Variants in SHLD2 observed in about 807,000 individuals in gnomAD.
The protein encoded by SHLD2 is RINN1-REV7-interacting novel NHEJ regulator 2.
Under a neutral mutation model 73.2 loss-of-function variants are expected in SHLD2, and 30 were observed. The observed-to-expected ratio is 0.41, with a 90% CI of 0.31 to 0.56. The LOEUF is 0.56. Among genes scored for constraint, SHLD2 ranks in the 20% least tolerant of loss-of-function variants. The pLI is 0.28. For missense variants in SHLD2, 745 were observed against 1,055.9 expected (o/e 0.71, Z 4.08); for synonymous variants, 285 against 370.1 (o/e 0.77, Z 2.64).
intron 8 of SHLD2, among the ~76,000 whole-genome samples, chr10:87,184,197 C>G (rs1848476894): frequency 6.6e-6 from 1 of 152,122 alleles, no homozygotes; most frequent in African/African-American, 2.4e-5. Flanking sequence ...ATTTTCTCTT[C>G]CCTACCTCCC....
intron 2 of SHLD2, among the ~76,000 whole-genome samples, chr10:87,097,399 A>G (rs569679741): frequency 1.4e-4 from 21 of 152,150 alleles, no homozygotes; most frequent in Non-Finnish European, 2.8e-4. Context: ...TGTCTCTACT[A>G]AAAATACAAA....
chr10:87,106,998 A>G (rs1013373188), intron 2 of SHLD2, among the ~76,000 whole-genome samples: 4 of 150,954 alleles, frequency 2.6e-5, no homozygotes, highest in Non-Finnish European at 5.9e-5. Context: ...TAAATGTGGA[A>G]TCCTTGTGAT....
chr10:87,125,643 A>C (rs1187307492), intron 2 of SHLD2, among the ~76,000 whole-genome samples: 1 of 152,222 alleles, frequency 6.6e-6, no homozygotes. Flanking sequence ...AGGCTGAGGC[A>C]GGAGAATTGC....
At chr10:87,143,161 T>G (rs1845330622) in intron 2 of SHLD2, among the ~76,000 whole-genome samples, 1 of 152,014 alleles carries the variant, frequency 6.6e-6, no homozygotes, top group South Asian at 2.1e-4. Flanking sequence ...CTCGAACTAC[T>G]GAGCTGAAGC....
Position 87,170,567 on chromosome 10 carries a change from C to T in SHLD2, c.1723C>T (p.Gln575Ter). ...HSYLRDLPPR[Q>*]PQRVNSIDFV... The stretch of plus-strand genomic sequence containing the variant: ...CTACCTCAGAGATCTTCCTCCGAGG[C>T]AGCCTCAGAGGGTGAACAGTATAGA... Residue 575 changes from glutamine (Q) to a stop codon, truncating the protein, a stop_gained, in exon 5 of 10, where the codon CAG becomes TAG. Coordinates refer to ENST00000298786, the MANE Select transcript of SHLD2 (RefSeq NM_001330112.2). LOFTEE classifies it high-confidence loss of function. The T allele has an allele frequency of 1.9e-6, 3 of 1,613,634 alleles. No homozygotes were observed. The highest frequency in any genetic ancestry group is 2.5e-6 in the Non-Finnish European group (3 of 1,179,752).
At chr10:87,098,597 A>T (rs1184746353) in intron 2 of SHLD2, among the ~76,000 whole-genome samples, 7 of 152,076 alleles carry the variant, frequency 4.6e-5, no homozygotes, top group Admixed American at 4.6e-4. Context: ...ATAGGGTAAG[A>T]TTCAAACCTG....
At chr10:87,157,483 T>C (rs1589597889) in intron 3 of SHLD2, among the ~76,000 whole-genome samples, 1 of 152,222 alleles carries the variant, frequency 6.6e-6, no homozygotes, top group Non-Finnish European at 1.5e-5. Flanking sequence ...GATTCTACTC[T>C]ATCCGTCTTA....
At chr10:87,122,110 G>T (rs1383805256) in intron 2 of SHLD2, among the ~76,000 whole-genome samples, 1 of 144,864 alleles carries the variant, frequency 6.9e-6, no homozygotes, top group Non-Finnish European at 1.5e-5. Flanking sequence ...AAATTGATGG[G>T]CTTGTTATTG....
At chr10:87,177,802 G>A (rs1848039889) in intron 7 of SHLD2, among the ~76,000 whole-genome samples, 1 of 152,134 alleles carries the variant, frequency 6.6e-6, no homozygotes, top group Non-Finnish European at 1.5e-5. Flanking sequence ...ACCGCCAGCA[G>A]AATTTCAGTG....
intron 2 of SHLD2, among the ~76,000 whole-genome samples, chr10:87,136,127 T>C (rs903270080): frequency 3.3e-5 from 5 of 152,124 alleles, no homozygotes; most frequent in Admixed American, 2.0e-4. Flanking sequence ...TATGGACTTA[T>C]GGATATTTTA....
chr10:87,109,301 ATT>A (rs554117476), intron 2 of SHLD2, among the ~76,000 whole-genome samples: 10 of 142,258 alleles, frequency 7.0e-5, no homozygotes, highest in Non-Finnish European at 9.3e-5. Context: ...CGCAAATAAG[ATT>A]TTTTTTTTTT....
intron 2 of SHLD2, chr10:87,115,523 C>A (rs1589454396): frequency 6.6e-6 from 1 of 151,654 alleles, no homozygotes; most frequent in Middle Eastern, 3.4e-3. Flanking sequence ...TAAGCACGTC[C>A]TTTTAACATC....
At chr10:87,133,384 A>G (rs528545584) in intron 2 of SHLD2, among the ~76,000 whole-genome samples, 1 of 151,864 alleles carries the variant, frequency 6.6e-6, no homozygotes, top group South Asian at 2.1e-4. Context: ...TTTCCTTCTT[A>G]CTTATTTCTG....
At chr10:87,160,555 A>G (rs1346294340) in intron 4 of SHLD2, among the ~76,000 whole-genome samples, 1 of 152,160 alleles carries the variant, frequency 6.6e-6, no homozygotes, top group Non-Finnish European at 1.5e-5. Flanking sequence ...TAAAATAGAT[A>G]CTTAGTCCTA....
intron 2 of SHLD2, among the ~76,000 whole-genome samples, chr10:87,106,000 T>TTTTG (rs1006571179): frequency 6.6e-6 from 1 of 151,926 alleles, no homozygotes; most frequent in African/African-American, 2.4e-5. Context: ...GAATAATTGG[T>TTTTG]TTTGTTTGTT....
intron 6 of SHLD2, among the ~76,000 whole-genome samples, chr10:87,173,745 A>C (rs1847766751): frequency 6.6e-6 from 1 of 152,124 alleles, no homozygotes; most frequent in South Asian, 2.1e-4. Flanking sequence ...AGGCAACCAA[A>C]AAAAAACAGA....
rs375246821 is a variant in SHLD2, at chr10:87,140,690, A to G, written c.-5-10660A>G. ...AATCATACCTAGGTATGTAATAATA[A>G]AATTAGTGCCAGTCATGGTGGCTCA... On this transcript the variant is annotated intron_variant, in intron 2 of 9. Coordinates refer to ENST00000298786, the MANE Select transcript of SHLD2 (RefSeq NM_001330112.2). 9.7e-4 allele frequency among the ~76,000 whole-genome samples: 147 copies of G among 152,178 alleles called. 1 individual carries two copies. In the East Asian group the frequency reaches 0.025, roughly 26 times the overall value.
chr10:87,124,492 C>T (rs1290935245), intron 2 of SHLD2, among the ~76,000 whole-genome samples: 1 of 152,090 alleles, frequency 6.6e-6, no homozygotes, highest in East Asian at 1.9e-4. Context: ...GCTGTGATCG[C>T]ACCACTGCAC....
chr10:87,147,084 A>C lies in SHLD2; in HGVS notation c.-5-4266A>C, dbSNP rs574367266. ...AAAAAAAAAAAAAGAAAAAAAAAAA[A>C]AAAACAAAAAAACCTTGTGTTTTAT... On this transcript the variant is annotated intron_variant, in intron 2 of 9. Transcript: ENST00000298786. 2.4e-3 allele frequency among the ~76,000 whole-genome samples: 367 copies of C among 150,894 alleles called. 1 individual carries two copies. The highest frequency in any genetic ancestry group is 8.0e-3 in the African/African-American group (327 of 41,048).
Sources: gnomAD v4.1 joint callset for allele counts (sites outside exome capture counted in the v4.1 genomes callset) on GRCh38, gnomAD v4.1.1 for gene constraint, MANE v1.5 for transcripts, NCBI Gene and HGNC (gene_info 2026-07-23, HGNC 2026-07-21) for gene names.